SDK1: variants seen among roughly 807,000 people sequenced by gnomAD.
SDK1 encodes the protein protein sidekick-1.
Under a neutral mutation model 245.5 loss-of-function variants are expected in SDK1, and 157 were observed. The ratio of observed to expected loss-of-function variants is 0.64; its 90% CI spans 0.56 to 0.73. The LOEUF (loss-of-function observed/expected upper bound fraction) is 0.73. Ranked by LOEUF, SDK1 falls within the 30% of genes least tolerant of loss-of-function variation. SDK1 has a pLI of 0.00. For missense variants in SDK1, 3,583 were observed against 3,002.3 expected, an observed-to-expected ratio of 1.19 and a Z score of -4.52; for synonymous variants, 1,647 against 1,278.5, an observed-to-expected ratio of 1.29 and a Z score of -6.15.
chr7:3,687,562 C>A (rs552388219), intron 4 of SDK1, among the ~76,000 whole-genome samples: 20 of 152,328 alleles, frequency 1.3e-4, no homozygotes, highest in African/African-American at 4.8e-4. Flanking sequence ...ACTGTCGATG[C>A]ACACGGCAAC....
intron 1 of SDK1, among the ~76,000 whole-genome samples, chr7:3,480,450 G>A (rs1161269977): frequency 5.3e-5 from 8 of 151,310 alleles, no homozygotes; most frequent in Admixed American, 3.9e-4. Context: ...AAGAACTTCC[G>A]TGTTCCAGAT....
chr7:3,475,636 T>C (rs1447846598), intron 1 of SDK1, among the ~76,000 whole-genome samples: 1 of 152,236 alleles, frequency 6.6e-6, no homozygotes, highest in East Asian at 1.9e-4. Flanking sequence ...CATGATTATG[T>C]TATGGCCAGG....
intron 1 of SDK1, among the ~76,000 whole-genome samples, chr7:3,457,300 C>A (rs890168967): frequency 3.3e-5 from 5 of 152,182 alleles, no homozygotes; most frequent in Non-Finnish European, 7.3e-5. Flanking sequence ...TCCCTTCAGT[C>A]TTGGCCTTCC....
rs914163202 is a variant in SDK1, at chr7:3,424,138, G to C, written c.298+122254G>C. Among the ~76,000 whole-genome samples the C allele has an allele frequency of 3.3e-5, 5 of 152,008 alleles. No individual in the cohort carries two copies. In the East Asian group the frequency reaches 9.7e-4, roughly 29 times the overall value. On this transcript the variant is annotated intron_variant, in intron 1 of 44. Transcript: ENST00000404826. ...TGTTTGCCAGGCTGGTCTCAAACTC[G>C]TGACCTCAGGTGATCTGCCTGCCTT...
At chr7:4,125,219 A>G (rs148640886) in intron 25 of SDK1, among the ~76,000 whole-genome samples, 1 of 145,662 alleles carries the variant, frequency 6.9e-6, no homozygotes. Context: ...GGATGGGTAG[A>G]TGGATAGATG....
At chr7:3,367,892 T>A (rs963939147) in intron 1 of SDK1, among the ~76,000 whole-genome samples, 1 of 152,192 alleles carries the variant, frequency 6.6e-6, no homozygotes, top group African/African-American at 2.4e-5. Context: ...TAGGAAAATG[T>A]TTTCTTTAGA....
At chr7:3,642,616 G>A (rs1314628432) in intron 4 of SDK1, among the ~76,000 whole-genome samples, 2 of 152,026 alleles carry the variant, frequency 1.3e-5, no homozygotes, top group Non-Finnish European at 1.5e-5. Flanking sequence ...CTAATTAGTG[G>A]TTCACCCATC....
rs536360122 is a variant in SDK1 at position 3,597,247 on chromosome 7, G to C, written c.299-21833G>C. Among the ~76,000 whole-genome samples the C allele has an allele frequency of 3.4e-5, 5 of 145,754 alleles. No homozygotes were observed. The East Asian group carries it at 9.9e-4, about 29-fold the overall frequency. ...AGATCGCGCCACTGCACTCCAGCCT[G>C]GTCGACAGAGTAAGACTTGGTCTCA... On this transcript the variant is annotated intron_variant, in intron 1 of 44. Coordinates refer to ENST00000404826, the MANE Select transcript of SDK1 (RefSeq NM_152744.4).
At chr7:4,102,954 TAAAAAAAA>T (rs34174910) in intron 22 of SDK1, among the ~76,000 whole-genome samples, 5,042 of 113,240 alleles carry the variant, frequency 0.045, 304 homozygotes, top group African/African-American at 0.14. Flanking sequence ...TAAAAAAAGT[TAAAAAAAA>T]AAAAAAAAAA....
chr7:3,637,087 G>A (rs541414675), intron 2 of SDK1, among the ~76,000 whole-genome samples: 3 of 138,730 alleles, frequency 2.2e-5, no homozygotes, highest in Middle Eastern at 3.5e-3. Flanking sequence ...GCGTGCGCGC[G>A]TGTGTGTGTG....
chr7:4,174,533 G>C (rs1458569403), intron 33 of SDK1, among the ~76,000 whole-genome samples, 176 bp downstream of exon 33: 1 of 152,202 alleles, frequency 6.6e-6, no homozygotes. Context: ...CAGGGTGCAG[G>C]TGTGCGGCAG....
chr7:4,207,482 C>T (rs1024116855), intron 36 of SDK1, among the ~76,000 whole-genome samples: 2 of 152,212 alleles, frequency 1.3e-5, no homozygotes, highest in African/African-American at 4.8e-5. Context: ...AATGGCACCC[C>T]AGAGGAATGA....
At chr7:3,469,706 CTG>C (rs1222121492) in intron 1 of SDK1, among the ~76,000 whole-genome samples, 2 of 152,156 alleles carry the variant, frequency 1.3e-5, no homozygotes, top group Non-Finnish European at 2.9e-5. Context: ...TGCTTGAAGT[CTG>C]TTTTTCCTTC....
At chr7:3,542,681 C>T (rs1779089620) in intron 1 of SDK1, among the ~76,000 whole-genome samples, 1 of 152,072 alleles carries the variant, frequency 6.6e-6, no homozygotes, top group Non-Finnish European at 1.5e-5. Context: ...ATTGGCTATG[C>T]CTTACAGTAC....
intron 30 of SDK1, among the ~76,000 whole-genome samples, chr7:4,149,881 C>G (rs866419132): frequency 9.2e-5 from 14 of 152,260 alleles, no homozygotes; most frequent in African/African-American, 2.9e-4. Context: ...CCCTTGCGTT[C>G]TCGAAAGCAG....
intron 1 of SDK1, among the ~76,000 whole-genome samples, chr7:3,583,301 A>G (rs1029286244): frequency 1.2e-4 from 18 of 152,194 alleles, no homozygotes; most frequent in African/African-American, 4.1e-4. Context: ...TTAGTAAACA[A>G]ATTTTCAGTG....
chr7:3,901,934 G>T lies in SDK1; in HGVS notation c.848-48989G>T, dbSNP rs540808204. Among the ~76,000 whole-genome samples the T allele has an allele frequency of 2.0e-5, 3 of 152,108 alleles. No homozygotes were observed. The South Asian group carries it at 6.2e-4, about 32-fold the overall frequency. On this transcript the variant is annotated intron_variant, in intron 5 of 44. Transcript: ENST00000404826. ...AACATTGTTTCAGATTTGGCTGCTGGGCATGGTTTCAGAGTATCTCCTCTA... is the reference window on the plus strand; with the variant it reads ...AACATTGTTTCAGATTTGGCTGCTGTGCATGGTTTCAGAGTATCTCCTCTA...
At position 3,464,026 on chromosome 7, in the gene SDK1, T is replaced by C. The variant is rs891003069; in HGVS notation, c.299-155054T>C. Among the ~76,000 whole-genome samples the C allele has an allele frequency of 6.6e-5, 10 of 152,352 alleles. No homozygotes were observed. The East Asian group carries it at 1.3e-3, about 21-fold the overall frequency. On this transcript the variant is annotated intron_variant, in intron 1 of 44. Coordinates refer to ENST00000404826, the MANE Select transcript of SDK1 (RefSeq NM_152744.4). Reference sequence around the variant, plus strand: ...TTACAGTTCATTTATATTTCTCTGATAGCTTTAATCTAAAAATAATCAAAA... The same window carrying C: ...TTACAGTTCATTTATATTTCTCTGACAGCTTTAATCTAAAAATAATCAAAA...
At chr7:3,483,713 C>T (rs1024822460) in intron 1 of SDK1, among the ~76,000 whole-genome samples, 2 of 152,034 alleles carry the variant, frequency 1.3e-5, no homozygotes, top group African/African-American at 2.4e-5. Context: ...ATTTGCTAAG[C>T]ATTTTTGTTA....
Sources: gnomAD v4.1 joint callset for allele counts (sites outside exome capture counted in the v4.1 genomes callset) on GRCh38, gnomAD v4.1.1 for gene constraint, MANE v1.5 for transcripts, NCBI Gene and HGNC (gene_info 2026-07-23, HGNC 2026-07-21) for gene names.